NBEA: variants seen among roughly 807,000 people sequenced by gnomAD.
The protein encoded by NBEA is neurobeachin.
A neutral mutation model predicts 343.4 loss-of-function variants in NBEA; 44 were observed. That is an observed-to-expected ratio of 0.13 (90% CI 0.10 to 0.16). NBEA has a LOEUF of 0.16. NBEA is among the 10% of genes least tolerant of loss of function. NBEA has a pLI of 1.00. For synonymous variants in NBEA, 1,175 were observed against 1,238.7 expected, an observed-to-expected ratio of 0.95 and a Z score of 1.08; for missense variants, 2,555 against 3,631.3, an observed-to-expected ratio of 0.70 and a Z score of 7.62.
intron 1 of NBEA, among the ~76,000 whole-genome samples, chr13:35,031,531 G>T (rs901747256): frequency 2.0e-5 from 3 of 151,510 alleles, no homozygotes; most frequent in Non-Finnish European, 4.4e-5. Flanking sequence ...AGCTGGGGTG[G>T]TTAGAGAACT....
chr13:35,588,444 C>G (rs960838872), intron 46 of NBEA, among the ~76,000 whole-genome samples: 2 of 151,874 alleles, frequency 1.3e-5, no homozygotes, highest in Non-Finnish European at 2.9e-5. Flanking sequence ...TGTCCTTTAC[C>G]TTAGACCTTT....
intron 39 of NBEA, among the ~76,000 whole-genome samples, chr13:35,436,435 G>A (rs1035573780): frequency 2.6e-5 from 4 of 152,192 alleles, no homozygotes; most frequent in African/African-American, 9.7e-5. Context: ...TGAAGGCCGG[G>A]CGCAGTGGCT....
chr13:35,660,112 C>T (rs1401873862), intron 55 of NBEA, among the ~76,000 whole-genome samples: 2 of 152,122 alleles, frequency 1.3e-5, no homozygotes, highest in Non-Finnish European at 2.9e-5. Context: ...CCTTTGGAAT[C>T]CCTAGAGTCC....
chr13:35,189,124 G>A, intron 30 of NBEA, among the ~76,000 whole-genome samples: 1 of 151,804 alleles, frequency 6.6e-6, no homozygotes, highest in East Asian at 1.9e-4. Flanking sequence ...TCACCATCTT[G>A]GCCAGGCTGG....
At chr13:35,529,519 A>G (rs1348077585) in intron 41 of NBEA, among the ~76,000 whole-genome samples, 1 of 152,238 alleles carries the variant, frequency 6.6e-6, no homozygotes. Context: ...ATTTTATTAT[A>G]TAAGTACCGT....
chr13:35,121,889 T>A (rs535691855), intron 16 of NBEA, among the ~76,000 whole-genome samples: 1 of 152,282 alleles, frequency 6.6e-6, no homozygotes, highest in East Asian at 1.9e-4. Flanking sequence ...TGGCATTTTA[T>A]TTTTTCAGAA....
At chr13:34,988,072 G>A (rs1020000450) in intron 1 of NBEA, among the ~76,000 whole-genome samples, 1 of 150,918 alleles carries the variant, frequency 6.6e-6, no homozygotes, top group Non-Finnish European at 1.5e-5. Context: ...AGGAGAAGAG[G>A]CACTCTGGTT....
At chr13:35,416,895 T>C (rs1192544982) in intron 38 of NBEA, among the ~76,000 whole-genome samples, 6 of 152,192 alleles carry the variant, frequency 3.9e-5, no homozygotes, top group African/African-American at 1.4e-4. Context: ...AGGCTATTAA[T>C]TATTGCCTCA....
In NBEA at chr13:35,634,717, A is replaced by G. The variant is rs577381600; in HGVS notation, c.7617+6469A>G. Among the ~76,000 whole-genome samples, 18 of 152,288 alleles carry G rather than the reference A, an allele frequency of 1.2e-4. No individual in the cohort carries two copies. The South Asian group carries it at 3.7e-3, about 32-fold the overall frequency. On this transcript the variant is annotated intron_variant, in intron 49 of 58. Coordinates refer to ENST00000379939, the MANE Select transcript of NBEA (RefSeq NM_001385012.1). ...ATTTATTTATGCTGGAAATATTAAA[A>G]TATTAAGTAGTTTTTAATATTACCA...
chr13:35,570,147 C>T (rs1314186951), intron 45 of NBEA, among the ~76,000 whole-genome samples: 1 of 152,200 alleles, frequency 6.6e-6, no homozygotes, highest in Admixed American at 6.5e-5. Flanking sequence ...GATTCTCCTG[C>T]CTCAGCCTCC....
At chr13:34,986,216 G>A (rs1375296703) in intron 1 of NBEA, among the ~76,000 whole-genome samples, 1 of 150,820 alleles carries the variant, frequency 6.6e-6, no homozygotes, top group African/African-American at 2.4e-5. Flanking sequence ...ATGTGCCACT[G>A]AGATTTTGGT....
At chr13:35,298,768 C>T (rs986717345) in intron 35 of NBEA, among the ~76,000 whole-genome samples, 12 of 151,896 alleles carry the variant, frequency 7.9e-5, no homozygotes, top group African/African-American at 2.7e-4. Context: ...CTTGAGTAAC[C>T]AACTAAATAT....
chr13:34,990,903 C>A (rs759984040), intron 1 of NBEA, among the ~76,000 whole-genome samples: 1 of 152,248 alleles, frequency 6.6e-6, no homozygotes, highest in East Asian at 1.9e-4. Context: ...TTAGAAATTT[C>A]TTCTGCCAGA....
rs964205790 is a variant in NBEA, at chr13:35,555,211, G to C, written c.6922+109G>C. The C allele has an allele frequency of 2.1e-4, 119 of 566,686 alleles. 2 individuals carry two copies. The highest frequency in any genetic ancestry group is 2.9e-5 in the Non-Finnish European group (10 of 347,340). 35.1% of individuals were successfully genotyped at this position (566,686 alleles called of 1,614,324 possible). A position where few individuals can be genotyped will look rare whatever the true frequency, so the allele number is the denominator to read the frequency against. On this transcript the variant is annotated intron_variant, in intron 44 of 58. Coordinates refer to ENST00000379939, the MANE Select transcript of NBEA (RefSeq NM_001385012.1). Reference sequence around the variant, plus strand: ...TCTTTGGAATTCAAATGCATCATTAGAGTAAATTTTGAAGCACTCACATTA... The same window carrying C: ...TCTTTGGAATTCAAATGCATCATTACAGTAAATTTTGAAGCACTCACATTA...
At chr13:34,991,307 A>T (rs751780988) in intron 1 of NBEA, among the ~76,000 whole-genome samples, 1 of 152,200 alleles carries the variant, frequency 6.6e-6, no homozygotes, top group East Asian at 1.9e-4. Context: ...GAGACTGGGT[A>T]ATTTGTGAAG....
At chr13:35,431,697 G>A (rs559311595) in intron 38 of NBEA, among the ~76,000 whole-genome samples, 9 of 152,188 alleles carry the variant, frequency 5.9e-5, no homozygotes, top group African/African-American at 1.9e-4. Context: ...TATTAATAAT[G>A]GATAAAATTG....
At chr13:35,102,457 G>A (rs1765011946) in intron 11 of NBEA, among the ~76,000 whole-genome samples, 1 of 151,494 alleles carries the variant, frequency 6.6e-6, no homozygotes, top group African/African-American at 2.4e-5. Flanking sequence ...AAAAACATGA[G>A]GATTTTTATT....
intron 46 of NBEA, among the ~76,000 whole-genome samples, chr13:35,589,356 G>C (rs1001875986): frequency 6.6e-6 from 1 of 152,246 alleles, no homozygotes; most frequent in Non-Finnish European, 1.5e-5. Context: ...AAGGGCGATA[G>C]TAGGGATTCA....
At chr13:35,134,351 A>C (rs1024071310) in intron 17 of NBEA, among the ~76,000 whole-genome samples, 1 of 151,834 alleles carries the variant, frequency 6.6e-6, no homozygotes, top group African/African-American at 2.4e-5. Flanking sequence ...TCATGGCTAA[A>C]GAAGATATAC....
Sources: gnomAD v4.1 joint callset for allele counts (sites outside exome capture counted in the v4.1 genomes callset) on GRCh38, gnomAD v4.1.1 for gene constraint, MANE v1.5 for transcripts, NCBI Gene and HGNC (gene_info 2026-07-23, HGNC 2026-07-21) for gene names.